Variants in SNX10 observed in about 807,000 individuals in gnomAD.
SNX10 encodes sorting nexin-10.
A neutral mutation model predicts 28.5 loss-of-function variants in SNX10; 25 were observed. The ratio of observed to expected loss-of-function variants is 0.88; its 90% CI spans 0.64 to 1.22. SNX10 has a LOEUF of 1.22. Ranked by LOEUF, SNX10 falls within the 50% of genes most tolerant of loss-of-function variation. The pLI is 0.00. For synonymous variants in SNX10, 62 were observed against 81.4 expected (o/e 0.76, Z 1.28); for missense variants, 223 against 242.6 (o/e 0.92, Z 0.54).
rs544999644 is a variant in SNX10, at chr7:26,345,896, C to T, written c.-23-524C>T. ...CAAACAACAGGCTGGCTGCACTGCT[C>T]AGAAGGTCAGAGTCAAGGTCCTGGC... On this transcript the variant is annotated intron_variant, in intron 1 of 6. Coordinates refer to ENST00000338523, the MANE Select transcript of SNX10 (RefSeq NM_013322.3). Among the ~76,000 whole-genome samples, 18 of 152,214 alleles carry T rather than the reference C, an allele frequency of 1.2e-4. No homozygotes were observed. The South Asian group carries it at 2.1e-3, about 18-fold the overall frequency.
chr7:26,347,765 T>G (rs1464986510), intron 2 of SNX10, among the ~76,000 whole-genome samples: 2 of 151,918 alleles, frequency 1.3e-5, no homozygotes, highest in African/African-American at 4.8e-5. Flanking sequence ...CACAAGAATC[T>G]CTTGAACCTG....
intron 1 of SNX10, among the ~76,000 whole-genome samples, chr7:26,344,206 C>G (rs1788291182): frequency 8.6e-6 from 1 of 116,296 alleles, no homozygotes; most frequent in Non-Finnish European, 1.6e-5. Context: ...GAGATGAGGT[C>G]TCTCACTCAA....
intron 1 of SNX10, among the ~76,000 whole-genome samples, chr7:26,295,754 C>T (rs997449241): frequency 6.6e-6 from 1 of 152,188 alleles, no homozygotes; most frequent in African/African-American, 2.4e-5. Context: ...TGTCAAAATA[C>T]GACATCGTTT....
At position 26,372,655 on chromosome 7, in the gene SNX10, A is replaced by G. The variant is rs1029624346; in HGVS notation, c.*83A>G. On this transcript the variant is annotated 3_prime_UTR_variant, in exon 7 of 7. Transcript: ENST00000338523. Reference sequence around the variant, plus strand: ...GAAAGCTTCATAATAATACATTCTTACCTAAAGCTCACTGTCATGATGTTA... The same window carrying G: ...GAAAGCTTCATAATAATACATTCTTGCCTAAAGCTCACTGTCATGATGTTA... 2.3e-5 allele frequency: 19 copies of G among 832,906 alleles called. No individual in the cohort carries two copies. Among genetic ancestry groups the G allele is most frequent in the Non-Finnish European group, 3.9e-5 (19 of 481,616 alleles). 51.6% of individuals were successfully genotyped at this position (832,906 alleles called of 1,614,324 possible).
At chr7:26,331,808 C>T (rs1008568447) in intron 1 of SNX10, among the ~76,000 whole-genome samples, 7 of 152,034 alleles carry the variant, frequency 4.6e-5, no homozygotes, top group African/African-American at 1.7e-4. Context: ...GTCTATGTTC[C>T]ATCTCTGTAG....
At chr7:26,314,312 C>T (rs547269971) in intron 1 of SNX10, among the ~76,000 whole-genome samples, 5 of 151,272 alleles carry the variant, frequency 3.3e-5, no homozygotes, top group African/African-American at 1.2e-4. Flanking sequence ...GGCTGGAGTG[C>T]AGTGGTGGTA....
chr7:26,315,624 C>T (rs558134012), intron 1 of SNX10, among the ~76,000 whole-genome samples: 11 of 151,390 alleles, frequency 7.3e-5, no homozygotes, highest in Admixed American at 2.0e-4. Flanking sequence ...GCTGAGGTTT[C>T]GCCACTGCAC....
chr7:26,298,170 G>A (rs951359807), intron 1 of SNX10, among the ~76,000 whole-genome samples: 9 of 151,762 alleles, frequency 5.9e-5, no homozygotes, highest in African/African-American at 1.5e-4. Flanking sequence ...TGCATGAGCC[G>A]AGATCGTGCC....
intron 1 of SNX10, among the ~76,000 whole-genome samples, chr7:26,318,601 G>A (rs970137904): frequency 2.0e-5 from 3 of 152,180 alleles, no homozygotes; most frequent in Admixed American, 6.5e-5. Context: ...CCGGGTAGCT[G>A]GGATTATAGG....
chr7:26,342,532 A>G (rs991828900), intron 1 of SNX10, among the ~76,000 whole-genome samples: 8 of 152,246 alleles, frequency 5.3e-5, no homozygotes, highest in Non-Finnish European at 1.0e-4. Context: ...TTTATTTTAC[A>G]TGAAATAAAA....
intron 1 of SNX10, among the ~76,000 whole-genome samples, chr7:26,297,859 T>C (rs1257954239): frequency 6.6e-6 from 1 of 152,150 alleles, no homozygotes; most frequent in Non-Finnish European, 1.5e-5. Context: ...ATGGATATTA[T>C]ATATATTATA....
intron 1 of SNX10, among the ~76,000 whole-genome samples, chr7:26,327,279 C>T (rs147549726): frequency 6.6e-6 from 1 of 152,220 alleles, no homozygotes; most frequent in African/African-American, 2.4e-5. Flanking sequence ...AAGTGCAGCC[C>T]TTCCAGTAAG....
intron 1 of SNX10, among the ~76,000 whole-genome samples, chr7:26,325,731 A>ATT (rs35402634): frequency 6.9e-6 from 1 of 144,890 alleles, no homozygotes. Context: ...AAAATTAGAG[A>ATT]TTTTTTTTTT....
chr7:26,336,159 G>C (rs181111563), intron 1 of SNX10, among the ~76,000 whole-genome samples: 1 of 152,102 alleles, frequency 6.6e-6, no homozygotes. Flanking sequence ...TGTTTTTTGT[G>C]GGGAGGGAAT....
chr7:26,306,071 A>T (rs371179313), intron 1 of SNX10, among the ~76,000 whole-genome samples: 4 of 142,258 alleles, frequency 2.8e-5, no homozygotes, highest in Admixed American at 2.1e-4. Context: ...AATTTTTTGT[A>T]TTTTTTTTTT....
chr7:26,335,735 C>CTT (rs57340085), intron 1 of SNX10, among the ~76,000 whole-genome samples: 8,422 of 84,198 alleles, frequency 0.1, 1,745 homozygotes, highest in South Asian at 0.24. Context: ...ATGGAATATT[C>CTT]TTTTTTTTTT....
intron 5 of SNX10, among the ~76,000 whole-genome samples, chr7:26,366,240 C>T (rs1224843209): frequency 6.6e-6 from 1 of 152,146 alleles, no homozygotes; most frequent in African/African-American, 2.4e-5. Context: ...AATATACTGC[C>T]TCCTCCCCAT....
At chr7:26,337,413 T>G (rs1282150796) in intron 1 of SNX10, among the ~76,000 whole-genome samples, 1 of 152,244 alleles carries the variant, frequency 6.6e-6, no homozygotes, top group Admixed American at 6.5e-5. Flanking sequence ...TTCACAGAAG[T>G]GAAACTCTGT....
At chr7:26,372,315 A>C in intron 6 of SNX10, 176 bp from the exon 7 acceptor site, 2 of 619,704 alleles carry the variant, frequency 3.2e-6, no homozygotes, top group Non-Finnish European at 5.8e-6. Flanking sequence ...TCGCGTTTAA[A>C]TTATCTAGCT....
Sources: allele counts gnomAD v4.1 joint callset (sites outside exome capture counted in the v4.1 genomes callset), GRCh38; gene constraint gnomAD v4.1.1; transcripts MANE v1.5; gene names NCBI Gene and HGNC (gene_info 2026-07-23, HGNC 2026-07-21).